Variants in CNTN5 observed in about 807,000 individuals in gnomAD.
CNTN5 encodes contactin-5.
In CNTN5, 77 loss-of-function variants were observed where a neutral mutation model predicts 129.1. The ratio of observed to expected loss-of-function variants is 0.60; its 90% CI spans 0.50 to 0.72. The LOEUF (loss-of-function observed/expected upper bound fraction) is 0.72. CNTN5 is among the 30% of genes least tolerant of loss of function. CNTN5 has a pLI of 0.00. For missense variants in CNTN5, 1,478 were observed against 1,328.8 expected, an observed-to-expected ratio of 1.11 and a Z score of -1.75; for synonymous variants, 509 against 465.6, an observed-to-expected ratio of 1.09 and a Z score of -1.20.
At chr11:99,026,214 C>G (rs1863100641) in intron 1 of CNTN5, among the ~76,000 whole-genome samples, 2 of 151,552 alleles carry the variant, frequency 1.3e-5, no homozygotes, top group Admixed American at 1.3e-4. Flanking sequence ...CCAAATATAT[C>G]TGAAAACACT....
intron 4 of CNTN5, among the ~76,000 whole-genome samples, chr11:99,838,168 C>T (rs750347613): frequency 3.3e-5 from 5 of 151,998 alleles, no homozygotes; most frequent in Non-Finnish European, 7.4e-5. Context: ...ACTTTATCTT[C>T]AGACAATAAT....
At chr11:100,000,653 G>C (rs1440704605) in intron 8 of CNTN5, among the ~76,000 whole-genome samples, 1 of 152,168 alleles carries the variant, frequency 6.6e-6, no homozygotes, top group East Asian at 1.9e-4. Flanking sequence ...ACACTGTGTG[G>C]AGGCTCCAAC....
intron 18 of CNTN5, among the ~76,000 whole-genome samples, chr11:100,282,374 G>A (rs965423755): frequency 6.6e-6 from 1 of 152,236 alleles, no homozygotes; most frequent in East Asian, 1.9e-4. Flanking sequence ...AAGAAGGTCT[G>A]AAAGAATTCT....
chr11:99,418,224 C>A (rs1213047808), intron 2 of CNTN5, among the ~76,000 whole-genome samples: 1 of 151,806 alleles, frequency 6.6e-6, no homozygotes, highest in Non-Finnish European at 1.5e-5. Context: ...TAAATTACTT[C>A]TAGTTTTTAA....
chr11:100,102,732 C>T (rs1945273083), intron 13 of CNTN5, among the ~76,000 whole-genome samples: 2 of 152,120 alleles, frequency 1.3e-5, no homozygotes, highest in Admixed American at 1.3e-4. Context: ...TTTTATTTAT[C>T]CTAGGCTATA....
intron 13 of CNTN5, among the ~76,000 whole-genome samples, chr11:100,086,460 AT>A (rs941231937): frequency 3.3e-5 from 5 of 150,518 alleles, no homozygotes; most frequent in African/African-American, 9.8e-5. Flanking sequence ...AGTTAAAAAA[AT>A]AAATATAATG....
intron 2 of CNTN5, among the ~76,000 whole-genome samples, chr11:99,439,726 GA>G (rs1286910830): frequency 4.2e-5 from 4 of 94,556 alleles, no homozygotes; most frequent in South Asian, 3.7e-4. Context: ...AAAAAAAAAA[GA>G]AAAAGAAAAA....
At chr11:100,139,663 T>C (rs1591304887) in intron 13 of CNTN5, among the ~76,000 whole-genome samples, 2 of 152,082 alleles carry the variant, frequency 1.3e-5, no homozygotes, top group African/African-American at 2.4e-5. Context: ...CAGGAGTTCA[T>C]GATCAGCCTG....
chr11:99,993,004 C>T (rs1267438994), intron 8 of CNTN5, among the ~76,000 whole-genome samples: 1 of 152,112 alleles, frequency 6.6e-6, no homozygotes, highest in East Asian at 1.9e-4. Context: ...GATCAAAGAG[C>T]TACCTTGACT....
chr11:99,898,047 T>C lies in CNTN5; in HGVS notation c.578-18007T>C, dbSNP rs573957573. Among the ~76,000 whole-genome samples, 6 of 152,172 alleles carry C rather than the reference T, an allele frequency of 3.9e-5. No individual in the cohort carries two copies. In the East Asian group the frequency reaches 9.7e-4, roughly 25 times the overall value. ...GTTTAATGAAAATAGCAACATAACA[T>C]ACAAAACCTCCTGAATACAGTGAAG... On this transcript the variant is annotated intron_variant, in intron 6 of 24. Transcript: ENST00000524871.
chr11:99,199,828 G>T (rs1257341237), intron 1 of CNTN5, among the ~76,000 whole-genome samples: 1 of 152,208 alleles, frequency 6.6e-6, no homozygotes, highest in Non-Finnish European at 1.5e-5. Context: ...AAAGGATGTG[G>T]ATTCGGGGAG....
At chr11:100,242,962 C>G (rs1949772717) in intron 16 of CNTN5, among the ~76,000 whole-genome samples, 1 of 152,142 alleles carries the variant, frequency 6.6e-6, no homozygotes, top group Non-Finnish European at 1.5e-5. Flanking sequence ...ATAAGACAGA[C>G]CAGCAGATAC....
rs529086139 is a variant in CNTN5, at chr11:100,161,248, A to G, written c.1581-29878A>G. Among the ~76,000 whole-genome samples the G allele has an allele frequency of 2.0e-5, 3 of 152,026 alleles. No individual in the cohort carries two copies. The East Asian group carries it at 5.8e-4, about 30-fold the overall frequency. ...CTGTATAGCTAGTGGTATTATCTAA[A>G]CTGATGAATTGTGGGGTCCCCTTGA... On this transcript the variant is annotated intron_variant, in intron 13 of 24. Coordinates refer to ENST00000524871, the MANE Select transcript of CNTN5 (RefSeq NM_014361.4).
intron 2 of CNTN5, among the ~76,000 whole-genome samples, chr11:99,358,953 T>G (rs1938911507): frequency 6.6e-6 from 1 of 152,220 alleles, no homozygotes; most frequent in African/African-American, 2.4e-5. Context: ...TTTATTCATT[T>G]AAAAAGTAGA....
intron 13 of CNTN5, among the ~76,000 whole-genome samples, chr11:100,172,980 C>T (rs1555029346): frequency 6.6e-6 from 1 of 152,020 alleles, no homozygotes; most frequent in Non-Finnish European, 1.5e-5. Flanking sequence ...ATTGCAGTAA[C>T]ATAGATGAAT....
chr11:100,226,832 A>T (rs1949385127), intron 16 of CNTN5, among the ~76,000 whole-genome samples: 1 of 152,070 alleles, frequency 6.6e-6, no homozygotes. Context: ...GCTGTTTTTA[A>T]TGTTGGCTTG....
chr11:99,352,803 G>A lies in CNTN5; in HGVS notation c.-71+27319G>A, dbSNP rs114163494. Among the ~76,000 whole-genome samples, 390 of 152,264 alleles carry A rather than the reference G, an allele frequency of 2.6e-3. 3 individuals are homozygous for A. The highest frequency in any genetic ancestry group is 8.1e-3 in the African/African-American group (335 of 41,572). On this transcript the variant is annotated intron_variant, in intron 2 of 24. Transcript: ENST00000524871. Reference sequence around the variant, plus strand: ...AGGGAAGAGGAAGGCTCTGGCCTACGTGCTGTCCTTGGGGTCAAGGGCCTT... The same window carrying A: ...AGGGAAGAGGAAGGCTCTGGCCTACATGCTGTCCTTGGGGTCAAGGGCCTT...
At chr11:99,340,756 CA>C (rs1367530492) in intron 2 of CNTN5, among the ~76,000 whole-genome samples, 22 of 152,064 alleles carry the variant, frequency 1.4e-4, no homozygotes, top group Non-Finnish European at 1.5e-5. Context: ...TAGAAACAAT[CA>C]TAAAAATAAT....
At chr11:99,334,608 T>A (rs1320219654) in intron 2 of CNTN5, among the ~76,000 whole-genome samples, 2 of 152,130 alleles carry the variant, frequency 1.3e-5, no homozygotes, top group Non-Finnish European at 2.9e-5. Context: ...TAATTAAGTT[T>A]GTACTATCCA....
Sources: gnomAD v4.1 joint callset for allele counts (sites outside exome capture counted in the v4.1 genomes callset) on GRCh38, gnomAD v4.1.1 for gene constraint, MANE v1.5 for transcripts, NCBI Gene and HGNC (gene_info 2026-07-23, HGNC 2026-07-21) for gene names.